Variants in ARHGAP24 observed in about 807,000 individuals in gnomAD.
ARHGAP24 encodes the protein Rho GTPase activating protein 24, also known as rho GTPase-activating protein 24.
Under a neutral mutation model 76.4 loss-of-function variants are expected in ARHGAP24, and 50 were observed. That is an observed-to-expected ratio of 0.65 (90% CI 0.52 to 0.83). The LOEUF is 0.83. ARHGAP24 is among the 40% of genes least tolerant of loss of function. The probability of loss-of-function intolerance (pLI) is 0.00; values close to 1 mark genes in which losing one functional copy is unlikely to be tolerated. For synonymous variants in ARHGAP24, 345 were observed against 323.3 expected (o/e 1.07, Z -0.72); for missense variants, 930 against 914.2 (o/e 1.02, Z -0.22).
chr4:85,887,121 T>C (rs1189895246), intron 3 of ARHGAP24, among the ~76,000 whole-genome samples: 1 of 152,130 alleles, frequency 6.6e-6, no homozygotes, highest in Non-Finnish European at 1.5e-5. Flanking sequence ...CATCTATATG[T>C]ATGAAAAGGA....
At chr4:85,685,936 C>A (rs150910803) in intron 2 of ARHGAP24, among the ~76,000 whole-genome samples, 1 of 152,316 alleles carries the variant, frequency 6.6e-6, no homozygotes, top group African/African-American at 2.4e-5. Flanking sequence ...GTAGTGGATT[C>A]ATAGGAGAAT....
At chr4:85,873,518 C>G (rs2665874) in intron 3 of ARHGAP24, among the ~76,000 whole-genome samples, 133,519 of 152,170 alleles carry the variant, frequency 0.88, 58,648 homozygotes, top group East Asian at 0.99. Context: ...ACATGGTGCT[C>G]CATAGCAGGA....
At chr4:85,895,963 A>C (rs1734154892) in intron 3 of ARHGAP24, among the ~76,000 whole-genome samples, 2 of 152,216 alleles carry the variant, frequency 1.3e-5, no homozygotes, top group Non-Finnish European at 2.9e-5. Flanking sequence ...TGTAGTGATC[A>C]ATTACGTTAA....
chr4:85,596,058 T>C (rs1160517277), intron 2 of ARHGAP24, among the ~76,000 whole-genome samples: 2 of 151,876 alleles, frequency 1.3e-5, no homozygotes, highest in Non-Finnish European at 2.9e-5. Flanking sequence ...AAAGGAAATA[T>C]TATTTTGCAC....
At position 85,721,849 on chromosome 4, in the gene ARHGAP24, T is replaced by C. The variant is rs1483447544; in HGVS notation, c.181-36T>C. The C allele has an allele frequency of 1.3e-5, 20 of 1,542,728 alleles. No individual in the cohort carries two copies. In the East Asian group the frequency reaches 4.5e-4, roughly 35 times the overall value. ...ATGATGATATATGATGTTTGCTCTC[T>C]GATGATGTTGATGTTTTGGGTATTT... On this transcript the variant is annotated intron_variant, in intron 2 of 9. Coordinates refer to ENST00000395184, the MANE Select transcript of ARHGAP24 (RefSeq NM_001025616.3).
At chr4:85,809,040 G>A (rs1728905656) in intron 3 of ARHGAP24, among the ~76,000 whole-genome samples, 1 of 152,112 alleles carries the variant, frequency 6.6e-6, no homozygotes, top group African/African-American at 2.4e-5. Flanking sequence ...CATAAGCATT[G>A]CATAGAAAAT....
chr4:85,994,657 C>T lies in ARHGAP24; in HGVS notation c.1003C>T (p.Leu335=), dbSNP rs1740536300. The T allele has an allele frequency of 1.9e-6, 3 of 1,614,034 alleles. No individual in the cohort carries two copies. Among genetic ancestry groups the T allele is most frequent in the African/African-American group, 1.3e-5 (1 of 74,920 alleles). The stretch of plus-strand genomic sequence containing the variant: ...TTGCCTCTTTCCCAAAGATGCAGAA[C>T]TACAAAGCAAGCCCCAAGATGGAGT... The part of the protein sequence containing the change: ...HDCLFPKDAE[L]QSKPQDGVSN... The change falls in exon 9 of 10, where the codon CTA becomes TTA. Residue 335 remains leucine (L), a synonymous_variant. Transcript: ENST00000395184.
intron 2 of ARHGAP24, among the ~76,000 whole-genome samples, chr4:85,572,912 T>C (rs1017115221): frequency 2.0e-5 from 3 of 147,918 alleles, no homozygotes; most frequent in South Asian, 2.2e-4. Context: ...AGTCTCACTC[T>C]GTAGCCCAGG....
intron 3 of ARHGAP24, among the ~76,000 whole-genome samples, chr4:85,726,503 T>G (rs1360234754): frequency 6.6e-6 from 1 of 152,094 alleles, no homozygotes; most frequent in Non-Finnish European, 1.5e-5. Flanking sequence ...CCCTCTCAAG[T>G]TTGCTTCAAA....
At chr4:85,874,237 T>C (rs528012390) in intron 3 of ARHGAP24, among the ~76,000 whole-genome samples, 1 of 152,320 alleles carries the variant, frequency 6.6e-6, no homozygotes, top group African/African-American at 2.4e-5. Flanking sequence ...GCTTTGAATC[T>C]TGGGCTCATA....
chr4:85,740,841 G>T (rs1725795567), intron 3 of ARHGAP24, among the ~76,000 whole-genome samples: 1 of 152,082 alleles, frequency 6.6e-6, no homozygotes, highest in South Asian at 2.1e-4. Flanking sequence ...TTGTCTTATA[G>T]ATGCAGCTCA....
chr4:85,674,055 A>G (rs1443173226), intron 2 of ARHGAP24, among the ~76,000 whole-genome samples: 1 of 152,144 alleles, frequency 6.6e-6, no homozygotes, highest in East Asian at 1.9e-4. Context: ...TTACCCAACA[A>G]GTTAGTGGCA....
intron 2 of ARHGAP24, among the ~76,000 whole-genome samples, chr4:85,646,701 T>C (rs546886440): frequency 6.5e-4 from 99 of 152,220 alleles, no homozygotes; most frequent in African/African-American, 2.1e-3. Context: ...TTTATTTGCC[T>C]TCTACATGTA....
At chr4:85,514,632 G>A (rs917759294) in intron 1 of ARHGAP24, among the ~76,000 whole-genome samples, 3 of 151,840 alleles carry the variant, frequency 2.0e-5, no homozygotes, top group East Asian at 1.9e-4. Flanking sequence ...GAGTGGCAGA[G>A]CAAAAAGGTT....
At chr4:85,919,549 G>T (rs886724825) in intron 3 of ARHGAP24, among the ~76,000 whole-genome samples, 1 of 152,112 alleles carries the variant, frequency 6.6e-6, no homozygotes, top group South Asian at 2.1e-4. Context: ...AGGAATGAAG[G>T]TCTAGATCCA....
chr4:85,831,902 A>T (rs1457471640), intron 3 of ARHGAP24, among the ~76,000 whole-genome samples: 3 of 38,574 alleles, frequency 7.8e-5, no homozygotes, highest in Non-Finnish European at 8.1e-5. Flanking sequence ...ACTCTATCTA[A>T]AAAAAAAAAA....
intron 2 of ARHGAP24, among the ~76,000 whole-genome samples, chr4:85,606,239 C>T (rs1433732992): frequency 1.3e-5 from 2 of 152,108 alleles, no homozygotes; most frequent in Non-Finnish European, 2.9e-5. Context: ...CCAGGCCGGG[C>T]GCGGTGGCTC....
At chr4:85,730,170 C>T (rs116329873) in intron 3 of ARHGAP24, among the ~76,000 whole-genome samples, 194 of 152,318 alleles carry the variant, frequency 1.3e-3, no homozygotes, top group Middle Eastern at 3.4e-3. Context: ...TAAACACCAT[C>T]TCAGTTCATT....
At chr4:85,576,351 A>G (rs1727375310) in intron 2 of ARHGAP24, among the ~76,000 whole-genome samples, 1 of 151,622 alleles carries the variant, frequency 6.6e-6, no homozygotes, top group Admixed American at 6.6e-5. Context: ...AATGGCGCGA[A>G]CCCGGGAGGC....
Sources: allele counts gnomAD v4.1 joint callset (sites outside exome capture counted in the v4.1 genomes callset), GRCh38; gene constraint gnomAD v4.1.1; transcripts MANE v1.5; gene names NCBI Gene and HGNC (gene_info 2026-07-23, HGNC 2026-07-21).